The following MAPK8 variants were observed in gnomAD, a reference collection of about 807,000 sequenced individuals.
The protein encoded by MAPK8 is JUN N-terminal kinase.
MAPK8 carries 13 observed loss-of-function variants against 52.9 expected under a neutral mutation model. That is an observed-to-expected ratio of 0.25 (90% CI 0.16 to 0.39). MAPK8 has a LOEUF of 0.39. Among genes scored for constraint, MAPK8 ranks in the 10% least tolerant of loss-of-function variants. MAPK8 has a pLI of 1.00. For missense variants in MAPK8, 300 were observed against 519.2 expected (o/e 0.58, Z 4.10); for synonymous variants, 191 against 169.8 (o/e 1.12, Z -0.97).
intron 3 of MAPK8, among the ~76,000 whole-genome samples, chr10:48,405,521 TC>T (rs2042417375): frequency 6.6e-6 from 1 of 152,246 alleles, no homozygotes; most frequent in South Asian, 2.1e-4. Flanking sequence ...TTAACATGTT[TC>T]TAATTCTATT....
chr10:48,420,093 T>C, intron 5 of MAPK8, 62 bp from the exon 6 acceptor site: 1 of 1,259,760 alleles, frequency 7.9e-7, no homozygotes, highest in Non-Finnish European at 1.1e-6. Flanking sequence ...ATAACTTTAT[T>C]GTGAACTGTA....
chr10:48,403,192 G>T (rs1357931448), intron 2 of MAPK8, among the ~76,000 whole-genome samples: 1 of 152,188 alleles, frequency 6.6e-6, no homozygotes, highest in Non-Finnish European at 1.5e-5. Context: ...GGGCGCGGTG[G>T]CTCACGCCTA....
At chr10:48,427,342 G>A (rs1426098173) in intron 10 of MAPK8, 199 bp downstream of exon 10, 2 of 469,014 alleles carry the variant, frequency 4.3e-6, no homozygotes, top group African/African-American at 3.9e-5. Context: ...TCCCACCCCA[G>A]ACACAGACAC....
At chr10:48,433,189 A>G (rs1465385979) in intron 11 of MAPK8, among the ~76,000 whole-genome samples, 17 of 152,202 alleles carry the variant, frequency 1.1e-4, no homozygotes, top group Admixed American at 5.9e-4. Flanking sequence ...TAAAGAGAAA[A>G]CAAGTGTGTG....
At chr10:48,380,106 G>A (rs977321883) in intron 1 of MAPK8, among the ~76,000 whole-genome samples, 1 of 152,124 alleles carries the variant, frequency 6.6e-6, no homozygotes, top group African/African-American at 2.4e-5. Flanking sequence ...GCCGGGCATG[G>A]TGGTGCGCAC....
chr10:48,431,937 A>G (rs1465619814), intron 11 of MAPK8, among the ~76,000 whole-genome samples: 4 of 152,338 alleles, frequency 2.6e-5, no homozygotes, highest in African/African-American at 4.8e-5. Flanking sequence ...ATCCTAAGGT[A>G]TAGGATTATT....
rs1222476085 is a variant in MAPK8 at position 48,438,210 on chromosome 10, G to A, written c.*3181G>A. 1.3e-5 allele frequency: 2 copies of A among 152,190 alleles called. No homozygotes were observed. The highest frequency in any genetic ancestry group is 1.3e-4 in the Admixed American group (2 of 15,278). 9.4% of individuals were successfully genotyped at this position (152,190 alleles called of 1,614,324 possible). On this transcript the variant is annotated 3_prime_UTR_variant, in exon 12 of 12. Transcript: ENST00000374189. ...CACCAGTAAACTTCTCTTACCAGTAGGTAAACCAAACACCATTCTGTCATT... is the reference window on the plus strand; with the variant it reads ...CACCAGTAAACTTCTCTTACCAGTAAGTAAACCAAACACCATTCTGTCATT...
intron 1 of MAPK8, among the ~76,000 whole-genome samples, chr10:48,400,234 C>G (rs1047022703): frequency 6.6e-6 from 1 of 152,204 alleles, no homozygotes; most frequent in Non-Finnish European, 1.5e-5. Context: ...ACAGTCTTCC[C>G]TGGAGCACTA....
intron 1 of MAPK8, among the ~76,000 whole-genome samples, chr10:48,333,005 A>ATTATTT (rs1213818533): frequency 6.6e-6 from 1 of 152,112 alleles, no homozygotes; most frequent in Non-Finnish European, 1.5e-5. Flanking sequence ...CATCAATGAC[A>ATTATTT]CCATCACTGT....
At chr10:48,391,296 C>G (rs532081469) in intron 1 of MAPK8, among the ~76,000 whole-genome samples, 1 of 152,218 alleles carries the variant, frequency 6.6e-6, no homozygotes, top group South Asian at 2.1e-4. Flanking sequence ...GATAATAATG[C>G]CAATATTTGT....
intron 7 of MAPK8, chr10:48,424,580 C>G: frequency 6.3e-7 from 1 of 1,588,786 alleles, no homozygotes. Flanking sequence ...TTCCCAGGTA[C>G]AGATCGTATC....
chr10:48,384,180 A>T (rs1268664601), intron 1 of MAPK8, among the ~76,000 whole-genome samples: 11 of 152,176 alleles, frequency 7.2e-5, no homozygotes, highest in Admixed American at 7.2e-4. Context: ...TGAGCCGGAG[A>T]GTCAGAGGTT....
At chr10:48,420,012 C>T (rs1055016780) in intron 5 of MAPK8, 143 bp from the exon 6 acceptor site, 66 of 510,136 alleles carry the variant, frequency 1.3e-4, no homozygotes, top group Admixed American at 3.2e-4. Flanking sequence ...TGCCTTTTAA[C>T]GATGAATCAG....
At chr10:48,329,304 T>C (rs982913696) in intron 1 of MAPK8, among the ~76,000 whole-genome samples, 1 of 152,156 alleles carries the variant, frequency 6.6e-6, no homozygotes, top group African/African-American at 2.4e-5. Context: ...TTATTAATTA[T>C]AGTATAATGG....
intron 5 of MAPK8, among the ~76,000 whole-genome samples, chr10:48,413,781 C>T (rs547094297): frequency 1.6e-5 from 2 of 124,708 alleles, no homozygotes; most frequent in East Asian, 5.0e-4. Context: ...TTGAATATTA[C>T]CAAGTTACCA....
At chr10:48,365,778 G>A (rs1847976621) in intron 1 of MAPK8, among the ~76,000 whole-genome samples, 1 of 152,060 alleles carries the variant, frequency 6.6e-6, no homozygotes, top group South Asian at 2.1e-4. Flanking sequence ...TGAGTATAAG[G>A]AAGACAAACT....
intron 1 of MAPK8, among the ~76,000 whole-genome samples, chr10:48,344,273 A>G (rs935058757): frequency 1.3e-5 from 2 of 152,176 alleles, no homozygotes; most frequent in East Asian, 3.8e-4. Flanking sequence ...TGCTTTTTCT[A>G]TATGCATTTT....
At position 48,429,645 on chromosome 10, in the gene MAPK8, C is replaced by T. The variant is rs190275855; in HGVS notation, c.1061-1548C>T. On this transcript the variant is annotated intron_variant, in intron 10 of 11. Coordinates refer to ENST00000374189, the MANE Select transcript of MAPK8 (RefSeq NM_001323329.2). Reference sequence around the variant, plus strand: ...AAATCCTCTTACTGCAAATGTTTATCATTCCTTTTTGTTTCTTTGAAGAAA... The same window carrying T: ...AAATCCTCTTACTGCAAATGTTTATTATTCCTTTTTGTTTCTTTGAAGAAA... Among the ~76,000 whole-genome samples the T allele has an allele frequency of 1.6e-4, 24 of 152,262 alleles. No homozygotes were observed. The East Asian group carries it at 4.6e-3, about 29-fold the overall frequency.
intron 1 of MAPK8, among the ~76,000 whole-genome samples, chr10:48,369,243 G>C (rs913212057): frequency 2.0e-5 from 3 of 152,168 alleles, no homozygotes; most frequent in Non-Finnish European, 4.4e-5. Context: ...ATACTGCCCT[G>C]AATCAGGGGT....
Sources: allele counts gnomAD v4.1 joint callset (sites outside exome capture counted in the v4.1 genomes callset), GRCh38; gene constraint gnomAD v4.1.1; transcripts MANE v1.5; gene names NCBI Gene and HGNC (gene_info 2026-07-23, HGNC 2026-07-21).